ITGA5: variants seen among roughly 807,000 people sequenced by gnomAD.
The protein encoded by ITGA5 is integrin alpha-5.
Under a neutral mutation model 146.3 loss-of-function variants are expected in ITGA5, and 55 were observed. The observed-to-expected ratio is 0.38, with a 90% CI of 0.30 to 0.47. The LOEUF (loss-of-function observed/expected upper bound fraction) is 0.47. Among genes scored for constraint, ITGA5 ranks in the 20% least tolerant of loss-of-function variants. ITGA5 has a pLI of 0.99. For synonymous variants in ITGA5, 500 were observed against 531.8 expected, an observed-to-expected ratio of 0.94 and a Z score of 0.82; for missense variants, 1,131 against 1,329.0, an observed-to-expected ratio of 0.85 and a Z score of 2.32.
chr12:54,404,820 C>T lies in ITGA5; in HGVS notation c.1300G>A (p.Gly434Arg). 1.1e-5 allele frequency: 17 copies of T among 1,612,212 alleles called. No homozygotes were observed. The highest frequency in any genetic ancestry group is 1.4e-5 in the Non-Finnish European group (17 of 1,179,110). ...VVFVFPGGPG[G>R]LGSKPSQVLQ... ...ACCTGGGAAGGCTTAGAGCCCAGCCCTCCTGGGCCCCCAGGAAATACAAAC... is the reference window on the plus strand; with the variant it reads ...ACCTGGGAAGGCTTAGAGCCCAGCCTTCCTGGGCCCCCAGGAAATACAAAC... The change falls in exon 13 of 30, where the codon GGG becomes AGG. Residue 434 changes from glycine (G) to arginine (R), a missense_variant. This residue lies in a region of ITGA5 where 889 missense variants were observed against 1,021.5 expected (regional missense o/e 0.87). Coordinates refer to ENST00000293379, the MANE Select transcript of ITGA5 (RefSeq NM_002205.5).
Position 54,403,141 on chromosome 12 carries a change from C to G in ITGA5, c.1914+46G>C. Reference sequence around the variant, plus strand: ...TTCCATGGCCCTGCCCCCCCAATACCCAGGCCTCTGTCTTCCCAGGTCCCT... The same window carrying G: ...TTCCATGGCCCTGCCCCCCCAATACGCAGGCCTCTGTCTTCCCAGGTCCCT... On this transcript the variant is annotated intron_variant, in intron 18 of 29. Transcript: ENST00000293379. This position sits in a 1 kb window ranked among gnomAD's most constrained non-coding sequence, Gnocchi z 4.9. 1 of 1,591,256 alleles carries G rather than the reference C, an allele frequency of 6.3e-7. No individual in the cohort carries two copies. Among genetic ancestry groups the G allele is most frequent in the South Asian group, 1.1e-5 (1 of 87,968 alleles).
rs1426801446 is a variant in ITGA5 at position 54,405,393 on chromosome 12, C to G, written c.1017-19G>C. 2 of 1,571,664 alleles carry G rather than the reference C, an allele frequency of 1.3e-6. No individual in the cohort carries two copies. Among genetic ancestry groups the G allele is most frequent in the Admixed American group, 1.8e-5 (1 of 57,060 alleles). ...ATCCAGCCTGAGGGGAAGGGCAAAC[C>G]CAGGCATCTCGATACCCTGTCTTGC... On this transcript the variant is annotated intron_variant, in intron 11 of 29. Transcript: ENST00000293379.
chr12:54,402,307 C>A lies in ITGA5; in HGVS notation c.2006G>T (p.Gly669Val), dbSNP rs1955797287. The change falls in exon 20 of 30, where the codon GGT becomes GTT. Residue 669 changes from glycine (G) to valine (V), a missense_variant. Gly to Val is a moderately radical substitution (Grantham distance 109). Coordinates refer to ENST00000293379, the MANE Select transcript of ITGA5 (RefSeq NM_002205.5). ...AGTGAGGTTCAGGGCATTCTTGTCACCCAGGTACACATGGTTCTGCTCCCT... is the reference window on the plus strand; with the variant it reads ...AGTGAGGTTCAGGGCATTCTTGTCAACCAGGTACACATGGTTCTGCTCCCT... ...VFGEQNHVYL[G>V]DKNALNLTFH... The A allele has an allele frequency of 6.2e-7, 1 of 1,613,736 alleles. No individual in the cohort carries two copies. The highest frequency in any genetic ancestry group is 8.5e-7 in the Non-Finnish European group (1 of 1,179,884).
At chr12:54,406,630 A>C (rs897081596) in intron 9 of ITGA5, among the ~76,000 whole-genome samples, 4 of 152,126 alleles carry the variant, frequency 2.6e-5, no homozygotes. Context: ...GTTTTTGCTC[A>C]ACCTTTCCAT....
Position 54,403,736 on chromosome 12 carries a change from T to C in ITGA5, c.1665A>G (p.Gly555=), listed in dbSNP as rs746423730. 6.2e-7 allele frequency: 1 copy of C among 1,614,164 alleles called. No individual in the cohort carries two copies. Among genetic ancestry groups the C allele is most frequent in the South Asian group, 1.1e-5 (1 of 91,086 alleles). ...ELQLDWQKQK[G]GVRRALFLAS... is the part of the protein sequence containing the mutation. ...CCAGGAACAGTGCCCGCCGTACCCCTCCCTTCTGCTTCTGCCAGTCCAGCT... is the reference window on the plus strand; with the variant it reads ...CCAGGAACAGTGCCCGCCGTACCCCCCCCTTCTGCTTCTGCCAGTCCAGCT... The change falls in exon 17 of 30, where the codon GGA becomes GGG. Residue 555 remains glycine, a synonymous_variant. Transcript: ENST00000293379. This position sits in a 1 kb window ranked among gnomAD's most constrained non-coding sequence, Gnocchi z 4.9.
Position 54,409,382 on chromosome 12 carries a change from G to A in ITGA5, c.463-30C>T, listed in dbSNP as rs766461139. 3 of 1,609,358 alleles carry A rather than the reference G, an allele frequency of 1.9e-6. No homozygotes were observed. The highest frequency in any genetic ancestry group is 3.4e-5 in the Admixed American group (2 of 59,462). On this transcript the variant is annotated intron_variant, in intron 3 of 29. Coordinates refer to ENST00000293379, the MANE Select transcript of ITGA5 (RefSeq NM_002205.5). The surrounding 1 kb of genome is among the most constrained non-coding windows in gnomAD (Gnocchi z 4.7). ...GAGGGCCCAGGAGGAGGGGCCTTCA[G>A]ATTCAGTCCAATAAGGCCCTTCCTC...
At chr12:54,402,156 TC>T in intron 20 of ITGA5, 23 bp downstream of exon 20, 1 of 1,613,326 alleles carries the variant, frequency 6.2e-7, no homozygotes, top group Non-Finnish European at 8.5e-7. Flanking sequence ...TCCTCCCAAA[TC>T]CCACTCGAGA....
In ITGA5 at chr12:54,403,594, G is replaced by C; in HGVS notation, c.1776+31C>G. ...CAGTTCTGTGTGGCCACCCTCCCTGGCCAGTCCACACCCCGCCCTCTGGGC... is the reference window on the plus strand; with the variant it reads ...CAGTTCTGTGTGGCCACCCTCCCTGCCCAGTCCACACCCCGCCCTCTGGGC... On this transcript the variant is annotated intron_variant, in intron 17 of 29. Transcript: ENST00000293379. This position sits in a 1 kb window ranked among gnomAD's most constrained non-coding sequence, Gnocchi z 4.9. 6.2e-7 allele frequency: 1 copy of C among 1,600,428 alleles called. No homozygotes were observed. Among genetic ancestry groups the C allele is most frequent in the African/African-American group, 1.3e-5 (1 of 74,792 alleles).
chr12:54,398,493 A>G (rs983899011), intron 28 of ITGA5, 104 bp downstream of exon 28: 62 of 746,024 alleles, frequency 8.3e-5, no homozygotes, highest in Non-Finnish European at 1.3e-4. Flanking sequence ...TACATTCTCA[A>G]CAGTTGTTAA....
In ITGA5 at chr12:54,396,115, AGGGATC is replaced by A; in HGVS notation, c.*172_*177del. Reference sequence around the variant, plus strand: ...GGGTCCTTCACAGTGCATGGGGGGGAGGGATCCCCAGCTCCTCACCCCCCTGGCTCT... The same window carrying A: ...GGGTCCTTCACAGTGCATGGGGGGGACCCAGCTCCTCACCCCCCTGGCTCT... On this transcript the variant is annotated 3_prime_UTR_variant, in exon 30 of 30. Transcript: ENST00000293379. 1.7e-6 allele frequency: 1 copy of A among 579,416 alleles called. No individual in the cohort carries two copies. 35.9% of individuals were successfully genotyped at this position (579,416 alleles called of 1,614,324 possible). A position where few individuals can be genotyped will look rare whatever the true frequency, so the allele number is the denominator to read the frequency against.
Position 54,403,943 on chromosome 12 carries a change from T to C in ITGA5, c.1589A>G (p.Asn530Ser), listed in dbSNP as rs1239375715. ...GTCAGCAACGTGTTTTCCAGAAGCA[T>C]TGAGGCAGAAGCTAAGGTTGATGCT... is the stretch of plus-strand genomic sequence containing the variant. ...VACINLSFCL[N>S]ASGKHVADSI... is the part of the protein sequence containing the mutation. Residue 530 changes from asparagine (N) to serine (S), a missense_variant, in exon 16 of 30, where the codon AAT (asparagine) becomes AGT (serine). Around this residue, in one of 3 missense-constraint regions of ITGA5, gnomAD observed 889 missense variants for 1,021.5 expected, o/e 0.87. Transcript: ENST00000293379. The surrounding 1 kb of genome is among the most constrained non-coding windows in gnomAD (Gnocchi z 4.9). 7 of 1,614,056 alleles carry C rather than the reference T, an allele frequency of 4.3e-6. No homozygotes were observed. The African/African-American group carries it at 6.7e-5, about 15-fold the overall frequency.
chr12:54,403,822 C>T lies in ITGA5; in HGVS notation c.1622-43G>A, dbSNP rs759141893. ...TAAAGGGAAACTGCCTGTCTTTCCTCATCTTTTCAGAGAGAAGAAATGTCC... is the reference window on the plus strand; with the variant it reads ...TAAAGGGAAACTGCCTGTCTTTCCTTATCTTTTCAGAGAGAAGAAATGTCC... On this transcript the variant is annotated intron_variant, in intron 16 of 29. Coordinates refer to ENST00000293379, the MANE Select transcript of ITGA5 (RefSeq NM_002205.5). The surrounding 1 kb of genome is among the most constrained non-coding windows in gnomAD (Gnocchi z 4.9). The T allele has an allele frequency of 8.7e-6, 14 of 1,610,780 alleles. No individual in the cohort carries two copies. The highest frequency in any genetic ancestry group is 8.3e-5 in the Admixed American group (5 of 59,950).
Position 54,403,649 on chromosome 12 carries a change from G to T in ITGA5, c.1752C>A (p.Cys584Ter). 6.2e-7 allele frequency: 1 copy of T among 1,614,004 alleles called. No homozygotes were observed. The highest frequency in any genetic ancestry group is 1.3e-5 in the African/African-American group (1 of 75,032). The change falls in exon 17 of 30, where the codon TGC becomes TGA. Residue 584 changes from cysteine to a stop codon, truncating the protein, a stop_gained. Coordinates refer to ENST00000293379, the MANE Select transcript of ITGA5 (RefSeq NM_002205.5). LOFTEE classifies it high-confidence loss of function. This position sits in a 1 kb window ranked among gnomAD's most constrained non-coding sequence, Gnocchi z 4.9. ...LLIQNGARED[C>*]REMKIYLRNE... ...CCCTGAGGTAGATCTTCATCTCTCT[G>T]CAATCCTCTCGAGCCCCATTCTGGA...
In ITGA5 at chr12:54,411,151, C is replaced by T. The variant is rs560931049; in HGVS notation, c.349+683G>A. On this transcript the variant is annotated intron_variant, in intron 2 of 29. Transcript: ENST00000293379. ...TGCTGGGATTACAGGCACATGCCAC[C>T]GTGCCCAGCCTGTCCAGTTTTTATT... 9.2e-5 allele frequency among the ~76,000 whole-genome samples: 14 copies of T among 152,338 alleles called. No homozygotes were observed. The East Asian group carries it at 9.6e-4, about 10-fold the overall frequency.
At chr12:54,418,465 C>T (rs1351220188) in intron 1 of ITGA5, among the ~76,000 whole-genome samples, 1 of 151,912 alleles carries the variant, frequency 6.6e-6, no homozygotes, top group East Asian at 1.9e-4. Flanking sequence ...CCCCATTTAA[C>T]CTTCCGACCC....
chr12:54,401,510 A>G lies in ITGA5; in HGVS notation c.2388-32T>C, dbSNP rs1306784430. On this transcript the variant is annotated intron_variant, in intron 23 of 29. Transcript: ENST00000293379. This position sits in a 1 kb window ranked among gnomAD's most constrained non-coding sequence, Gnocchi z 5.0. The stretch of plus-strand genomic sequence containing the variant: ...AGGAGGGTGGTTTAGAGGAGGGTGG[A>G]AGGAACCCCATATGCATCCTTCCCT... 2.5e-6 allele frequency: 4 copies of G among 1,571,306 alleles called. No homozygotes were observed. In the Admixed American group the frequency reaches 6.7e-5, roughly 26 times the overall value.
chr12:54,402,691 A>C (rs1955803633), intron 19 of ITGA5, among the ~76,000 whole-genome samples: 1 of 149,826 alleles, frequency 6.7e-6, no homozygotes, highest in Non-Finnish European at 1.5e-5. Flanking sequence ...CAAGGGCATG[A>C]CTCCGTCTCA....
intron 9 of ITGA5, chr12:54,406,192 TAGA>T (rs1955864410): frequency 2.4e-5 from 13 of 538,010 alleles, no homozygotes; most frequent in Non-Finnish European, 4.3e-5. Context: ...CTCTACCCAC[TAGA>T]ATGTAAGATC....
intron 29 of ITGA5, 53 bp from the exon 30 acceptor site, chr12:54,396,429 A>G: frequency 7.2e-7 from 1 of 1,394,116 alleles, no homozygotes; most frequent in South Asian, 1.2e-5. Context: ...CCATTTCTCC[A>G]CAGCTCTTAT....
Sources: allele counts gnomAD v4.1 joint callset (sites outside exome capture counted in the v4.1 genomes callset), GRCh38; gene constraint gnomAD v4.1.1; regional missense constraint gnomAD v4.1.1; non-coding constraint Gnocchi (gnomAD v3.1); transcripts MANE v1.5; gene names NCBI Gene and HGNC (gene_info 2026-07-23, HGNC 2026-07-21).